Variants in PTPRT observed in about 807,000 individuals in gnomAD.
The protein encoded by PTPRT is protein tyrosine phosphatase receptor type T, also known as receptor-type tyrosine-protein phosphatase T.
A neutral mutation model predicts 176.8 loss-of-function variants in PTPRT; 56 were observed. The observed-to-expected ratio is 0.32, with a 90% CI of 0.26 to 0.40. The LOEUF (loss-of-function observed/expected upper bound fraction) is 0.40, where lower values mean the gene tolerates loss of function less well. Ranked by LOEUF, PTPRT falls within the 10% of genes least tolerant of loss-of-function variation. The probability of loss-of-function intolerance (pLI) is 1.00; values close to 1 mark genes in which losing one functional copy is unlikely to be tolerated. For synonymous variants in PTPRT, 783 were observed against 739.0 expected (o/e 1.06, Z -0.96); for missense variants, 1,540 against 1,908.2 (o/e 0.81, Z 3.60).
intron 6 of PTPRT, among the ~76,000 whole-genome samples, chr20:42,726,259 A>T (rs1266185954): frequency 6.6e-6 from 1 of 151,934 alleles, no homozygotes; most frequent in African/African-American, 2.4e-5. Flanking sequence ...TTGTATTTTT[A>T]GTAGAGATGG....
intron 15 of PTPRT, among the ~76,000 whole-genome samples, chr20:42,219,027 A>G (rs2055828190): frequency 6.6e-6 from 1 of 152,150 alleles, no homozygotes; most frequent in African/African-American, 2.4e-5. Context: ...GGAGAAGAAT[A>G]AACAGAAATG....
In PTPRT at chr20:42,380,458, C is replaced by T. The variant is rs145388564; in HGVS notation, c.1561-28173G>A. Reference sequence around the variant, plus strand: ...TTCCCTTAGCCCCAGGCCTGCCTGGCCTGGTTGGTTTCAGATAGTTCCCCT... The same window carrying T: ...TTCCCTTAGCCCCAGGCCTGCCTGGTCTGGTTGGTTTCAGATAGTTCCCCT... On this transcript the variant is annotated intron_variant, in intron 9 of 30. Transcript: ENST00000373187. 5.5e-4 allele frequency among the ~76,000 whole-genome samples: 84 copies of T among 152,328 alleles called. No individual in the cohort carries two copies. The East Asian group carries it at 0.013, about 24-fold the overall frequency.
chr20:42,707,030 G>A (rs2146186142), intron 6 of PTPRT, among the ~76,000 whole-genome samples: 1 of 152,308 alleles, frequency 6.6e-6, no homozygotes, highest in Non-Finnish European at 1.5e-5. Context: ...GCCAAAGATT[G>A]CCAGGCAACC....
chr20:43,146,580 A>G (rs1415000068), intron 1 of PTPRT, among the ~76,000 whole-genome samples: 1 of 151,980 alleles, frequency 6.6e-6, no homozygotes, highest in South Asian at 2.1e-4. Context: ...AAATCACCCC[A>G]AAACACATAA....
intron 9 of PTPRT, among the ~76,000 whole-genome samples, chr20:42,430,157 C>T (rs571302748): frequency 8.5e-5 from 13 of 152,278 alleles, no homozygotes; most frequent in South Asian, 2.1e-4. Flanking sequence ...AAGGTCCCCA[C>T]GGTCCACGGT....
chr20:42,385,071 C>A (rs2058732308), intron 9 of PTPRT, among the ~76,000 whole-genome samples: 1 of 152,248 alleles, frequency 6.6e-6, no homozygotes, highest in African/African-American at 2.4e-5. Flanking sequence ...CTTTGCTGTG[C>A]AAAACCTTGT....
At chr20:43,056,941 A>C (rs1417703218) in intron 1 of PTPRT, among the ~76,000 whole-genome samples, 1 of 152,004 alleles carries the variant, frequency 6.6e-6, no homozygotes, top group Non-Finnish European at 1.5e-5. Context: ...TTATCTTAAA[A>C]GTGATGGCAA....
chr20:42,481,239 G>A (rs1346474519), intron 7 of PTPRT, among the ~76,000 whole-genome samples: 3 of 152,130 alleles, frequency 2.0e-5, no homozygotes, highest in Admixed American at 6.5e-5. Context: ...TCTTGTTATG[G>A]AGGTAAAATA....
intron 1 of PTPRT, among the ~76,000 whole-genome samples, chr20:42,922,406 T>C (rs1211226628): frequency 6.6e-6 from 1 of 152,180 alleles, no homozygotes; most frequent in East Asian, 1.9e-4. Flanking sequence ...TACTCCCAAT[T>C]TCACATCCTT....
At chr20:43,135,751 T>G (rs1023177744) in intron 1 of PTPRT, among the ~76,000 whole-genome samples, 2 of 152,182 alleles carry the variant, frequency 1.3e-5, no homozygotes, top group Admixed American at 1.3e-4. Context: ...CACACAGCCC[T>G]TAAGGAAATG....
intron 9 of PTPRT, among the ~76,000 whole-genome samples, chr20:42,390,390 C>T (rs2058789720): frequency 6.6e-6 from 1 of 152,138 alleles, no homozygotes; most frequent in Non-Finnish European, 1.5e-5. Context: ...CATGGTGCTG[C>T]AGACCCACAC....
chr20:42,100,292 G>A (rs905403470), intron 26 of PTPRT, among the ~76,000 whole-genome samples: 3 of 152,144 alleles, frequency 2.0e-5, no homozygotes, highest in Non-Finnish European at 1.5e-5. Flanking sequence ...GGGATCAGCC[G>A]GCAATCCATT....
intron 6 of PTPRT, among the ~76,000 whole-genome samples, chr20:42,708,338 T>C (rs1043369059): frequency 1.3e-5 from 2 of 152,172 alleles, no homozygotes; most frequent in South Asian, 2.1e-4. Context: ...TAGACTCTAA[T>C]AGGAAGCATG....
chr20:42,963,422 AAAT>A (rs1982116167), intron 1 of PTPRT, among the ~76,000 whole-genome samples: 1 of 151,214 alleles, frequency 6.6e-6, no homozygotes, highest in South Asian at 2.1e-4. Flanking sequence ...TAAAAATAAA[AAAT>A]AAAAAAATAA....
chr20:42,853,884 C>T (rs1418591252), intron 2 of PTPRT, among the ~76,000 whole-genome samples: 1 of 152,202 alleles, frequency 6.6e-6, no homozygotes, highest in Non-Finnish European at 1.5e-5. Context: ...TCCTAAAATA[C>T]AGCAAAGTTG....
intron 7 of PTPRT, among the ~76,000 whole-genome samples, chr20:42,526,872 A>G (rs2072278050): frequency 6.8e-6 from 1 of 147,632 alleles, no homozygotes; most frequent in Non-Finnish European, 1.5e-5. Context: ...TACATTGCTT[A>G]TTTTAGCCAG....
chr20:42,963,291 C>A (rs1025408284), intron 1 of PTPRT, among the ~76,000 whole-genome samples: 2 of 151,594 alleles, frequency 1.3e-5, no homozygotes, highest in Non-Finnish European at 2.9e-5. Context: ...GAGACTGAGG[C>A]AGGATAATCG....
intron 1 of PTPRT, among the ~76,000 whole-genome samples, chr20:42,993,671 G>A (rs991589382): frequency 6.6e-5 from 10 of 150,700 alleles, no homozygotes; most frequent in African/African-American, 2.0e-4. Context: ...AAATATTCTC[G>A]GTCCTCTTTC....
In PTPRT at chr20:42,085,822, G is replaced by A. The variant is rs1167887381; in HGVS notation, c.3878C>T (p.Ser1293Phe). 1 of 1,613,722 alleles carries A rather than the reference G, an allele frequency of 6.2e-7. No homozygotes were observed. The highest frequency in any genetic ancestry group is 1.7e-5 in the Admixed American group (1 of 60,018). Reference sequence around the variant, plus strand: ...CACCTGGATGGGCCCATAGCACCCGGAGGTCTTCTCAGGCCAGTACTGCAT... The same window carrying A: ...CACCTGGATGGGCCCATAGCACCCGAAGGTCTTCTCAGGCCAGTACTGCAT... ...FCMQYWPEKT[S>F]GCYGPIQVEF... Residue 1293 changes from serine to phenylalanine, a missense_variant, in exon 28 of 31, where the codon TCC (serine) becomes TTC (phenylalanine). By Grantham distance (155) the Ser-to-Phe change is radical. Transcript: ENST00000373187.
Sources: allele counts gnomAD v4.1 joint callset (sites outside exome capture counted in the v4.1 genomes callset), GRCh38; gene constraint gnomAD v4.1.1; transcripts MANE v1.5; gene names NCBI Gene and HGNC (gene_info 2026-07-23, HGNC 2026-07-21).